The following ZNF28 variants were observed in gnomAD, a reference collection of about 807,000 sequenced individuals.
ZNF28 encodes zinc finger protein KOX24.
A neutral mutation model predicts 7.2 loss-of-function variants in ZNF28; 5 were observed. The ratio of observed to expected loss-of-function variants is 0.70; its 90% confidence interval spans 0.36 to 1.46. The LOEUF is 1.46. ZNF28 is among the 40% of genes most tolerant of loss of function. The pLI is 0.03. For synonymous variants in ZNF28, 288 were observed against 292.4 expected (o/e 0.99, Z 0.15); for missense variants, 879 against 866.6 (o/e 1.01, Z -0.18).
chr19:52,818,004 AC>A lies in ZNF28; in HGVS notation c.-47del. On this transcript the variant is annotated 5_prime_UTR_variant, in exon 2 of 4. Coordinates refer to ENST00000457749, the MANE Select transcript of ZNF28 (RefSeq NM_006969.5). ...TCTTCCTCTTCTGGGTTTCTTCCTCACGTACCAAGATTCTTTAGAAGTCAAT... is the reference window on the plus strand; with the variant it reads ...TCTTCCTCTTCTGGGTTTCTTCCTCAGTACCAAGATTCTTTAGAAGTCAAT... 1 of 1,609,798 alleles carries A rather than the reference AC, an allele frequency of 6.2e-7. No homozygotes were observed. Among genetic ancestry groups the A allele is most frequent in the South Asian group, 1.1e-5 (1 of 91,066 alleles).
intron 2 of ZNF28, among the ~76,000 whole-genome samples, chr19:52,812,465 T>C (rs1256734182): frequency 5.3e-4 from 65 of 122,710 alleles, no homozygotes; most frequent in Middle Eastern, 3.9e-3. Flanking sequence ...TGTGACCTTA[T>C]CCCCAACCCT....
intron 2 of ZNF28, among the ~76,000 whole-genome samples, chr19:52,809,588 A>C (rs144257819): frequency 5.4e-4 from 82 of 152,296 alleles, no homozygotes; most frequent in African/African-American, 2.0e-3. Flanking sequence ...CGGGTGAATA[A>C]CCAGGTCAAG....
chr19:52,808,227 T>G (rs1278361210), intron 2 of ZNF28, 94 bp from the exon 3 acceptor site: 1 of 1,555,220 alleles, frequency 6.4e-7, no homozygotes, highest in African/African-American at 1.4e-5. Flanking sequence ...GATTTAGTTG[T>G]AGTGAATGTT....
intron 3 of ZNF28, among the ~76,000 whole-genome samples, chr19:52,804,034 G>A (rs2062906320): frequency 6.6e-6 from 1 of 152,204 alleles, no homozygotes; most frequent in African/African-American, 2.4e-5. Context: ...GGATGTTCCT[G>A]CAGATGCAGA....
In ZNF28 at chr19:52,801,147, TG is replaced by T. The variant is rs764651681; in HGVS notation, c.697del (p.His233IlefsTer3). 1.4e-5 allele frequency: 22 copies of T among 1,614,034 alleles called. No homozygotes were observed. Among genetic ancestry groups the T allele is most frequent in the Admixed American group, 3.3e-5 (2 of 59,994 alleles). On this transcript the variant is annotated frameshift_variant, in exon 4 of 4. Coordinates refer to ENST00000457749, the MANE Select transcript of ZNF28 (RefSeq NM_006969.5). LOFTEE classifies it low-confidence loss of function (END_TRUNC). ...TTTCTCTTCTAAGTGGGTTATCTGA[TG>T]TTTTTTTAAAAGTGAGCTACAATTA... ...SFNCSSLLKK[H>X]QITHLEEKQC...
rs552887899 is a variant in ZNF28, at chr19:52,811,145, C to G, written c.16-3012G>C. Among the ~76,000 whole-genome samples, 1,180 of 150,784 alleles carry G rather than the reference C, an allele frequency of 7.8e-3. 19 individuals carry two copies. Among genetic ancestry groups the G allele is most frequent in the African/African-American group, 0.027 (1,109 of 41,036 alleles). On this transcript the variant is annotated intron_variant, in intron 2 of 3. Transcript: ENST00000457749. Reference sequence around the variant, plus strand: ...CTAACCACGAGTGATCCGCCAGCCTCGGCCTCCCGAGGTGCCGGGATTGCA... The same window carrying G: ...CTAACCACGAGTGATCCGCCAGCCTGGGCCTCCCGAGGTGCCGGGATTGCA...
At chr19:52,819,617 G>C (rs13345569) in intron 1 of ZNF28, among the ~76,000 whole-genome samples, 46,511 of 111,714 alleles carry the variant, frequency 0.42, 12,803 homozygotes, top group East Asian at 0.83. Context: ...ACATTTTCAC[G>C]AAGTTACCCT....
At position 52,809,831 on chromosome 19, in the gene ZNF28, C is replaced by CGGCGGCGGT. The variant is rs1348405059; in HGVS notation, c.16-1707_16-1699dup. 272 of 554,790 alleles carry CGGCGGCGGT rather than the reference C, an allele frequency of 4.9e-4. 1 individual carries two copies. In the East Asian group the frequency reaches 7.2e-3, roughly 15 times the overall value. 34.4% of individuals were successfully genotyped at this position (554,790 alleles called of 1,614,324 possible). A position where few individuals can be genotyped will look rare whatever the true frequency, so the allele number is the denominator to read the frequency against. On this transcript the variant is annotated intron_variant, in intron 2 of 3. Transcript: ENST00000457749. The stretch of plus-strand genomic sequence containing the variant: ...CCAGTCTGAGCGGCGAAGGCGGCGG[C>CGGCGGCGGT]GGCGGCGGTGGCGGTGGTGGCAGTA...
Position 52,800,468 on chromosome 19 carries a change from T to A in ZNF28, c.1377A>T (p.Arg459Ser). The change falls in exon 4 of 4, where the codon AGA becomes AGT. Residue 459 changes from arginine (R) to serine (S), a missense_variant. Physicochemically the swap from Arg to Ser is moderately radical, Grantham distance 110. Around this residue, in one of 2 missense-constraint regions of ZNF28, gnomAD observed 864 missense variants for 830.2 expected, o/e 1.04. Coordinates refer to ENST00000457749, the MANE Select transcript of ZNF28 (RefSeq NM_006969.5). ...TGTATGGTTTCTCTGCAGTATGAAG[T>A]CTATGATGGCGTGCAAGAGTTGATT... is the stretch of plus-strand genomic sequence containing the variant. ...NQQSTLARHH[R>S]LHTAEKPYKC... The A allele has an allele frequency of 6.2e-7, 1 of 1,613,484 alleles. No homozygotes were observed. The highest frequency in any genetic ancestry group is 1.1e-5 in the South Asian group (1 of 91,020).
intron 2 of ZNF28, among the ~76,000 whole-genome samples, 156 bp from the exon 3 acceptor site, chr19:52,808,289 T>C (rs931148647): frequency 6.6e-6 from 1 of 152,204 alleles, no homozygotes; most frequent in African/African-American, 2.4e-5. Context: ...TTATTATACT[T>C]TTTGAAGTGA....
chr19:52,811,062 G>GTT (rs751626547), intron 2 of ZNF28, among the ~76,000 whole-genome samples: 11 of 142,226 alleles, frequency 7.7e-5, no homozygotes, highest in African/African-American at 2.6e-4. Context: ...ACTGGTTTTC[G>GTT]TTTTTTTTTT....
At position 52,807,709 on chromosome 19, in the gene ZNF28, T is replaced by C. The variant is rs140349542; in HGVS notation, c.142+298A>G. ...ATGCTGGTTTTGAACTCCTCACCCATAGCGATCCACACGCCTTGGCCTCCC... is the reference window on the plus strand; with the variant it reads ...ATGCTGGTTTTGAACTCCTCACCCACAGCGATCCACACGCCTTGGCCTCCC... On this transcript the variant is annotated intron_variant, in intron 3 of 3. Transcript: ENST00000457749. Among the ~76,000 whole-genome samples the C allele has an allele frequency of 7.2e-5, 11 of 152,014 alleles. No individual in the cohort carries two copies. In the East Asian group the frequency reaches 2.1e-3, roughly 30 times the overall value.
In ZNF28 at chr19:52,815,833, T is replaced by TA. The variant is rs990004848; in HGVS notation, c.15+2110dup. Among the ~76,000 whole-genome samples, 3 of 146,208 alleles carry TA rather than the reference T, an allele frequency of 2.1e-5. 1 individual carries two copies. Among genetic ancestry groups the TA allele is most frequent in the African/African-American group, 8.0e-5 (3 of 37,548 alleles). On this transcript the variant is annotated intron_variant, in intron 2 of 3. Coordinates refer to ENST00000457749, the MANE Select transcript of ZNF28 (RefSeq NM_006969.5). ...GAGCGAGGCTCCATCTCAAAAAAAA[T>TA]AAATAACTATCGTGTACTGGCCTTG...
intron 3 of ZNF28, among the ~76,000 whole-genome samples, chr19:52,802,621 G>C (rs1308058738): frequency 6.6e-6 from 1 of 150,512 alleles, no homozygotes; most frequent in African/African-American, 2.4e-5. Context: ...AGATTGTGGT[G>C]AGTTGAGATC....
intron 2 of ZNF28, among the ~76,000 whole-genome samples, chr19:52,815,441 C>T (rs111228784): frequency 0.011 from 1,573 of 145,370 alleles, 252 homozygotes; most frequent in African/African-American, 0.041. Context: ...CACTTGAACC[C>T]GGGAGGTAGA....
At chr19:52,801,908 C>T (rs1271331245) in intron 3 of ZNF28, among the ~76,000 whole-genome samples, 1 of 152,068 alleles carries the variant, frequency 6.6e-6, no homozygotes, top group Admixed American at 6.6e-5. Flanking sequence ...AAGTCTATTT[C>T]CTATATCATG....
chr19:52,817,878 C>A (rs1940478137), intron 2 of ZNF28, 66 bp downstream of exon 2: 2 of 1,606,268 alleles, frequency 1.2e-6, no homozygotes, highest in Admixed American at 3.3e-5. Context: ...AGAAGACTCC[C>A]AACTCCAAGG....
In ZNF28 at chr19:52,810,235, A is replaced by G. The variant is rs903466613; in HGVS notation, c.16-2102T>C. The G allele has an allele frequency of 1.4e-5, 16 of 1,179,440 alleles. No homozygotes were observed. In the African/African-American group the frequency reaches 1.9e-4, roughly 14 times the overall value. The allele number at this position is 1,179,440 out of a possible 1,614,324, so 73.1% of individuals were successfully genotyped here. A position where few individuals can be genotyped will look rare whatever the true frequency, so the allele number is the denominator to read the frequency against. On this transcript the variant is annotated intron_variant, in intron 2 of 3. Transcript: ENST00000457749. ...CAGAACGACGTAGAGAAGCAGAGGA[A>G]TATGAGTCTACCTCCAGGCAATGCT...
chr19:52,800,827 A>C lies in ZNF28; in HGVS notation c.1018T>G (p.Ser340Ala), dbSNP rs145347123. 643 of 1,614,028 alleles carry C rather than the reference A, an allele frequency of 4.0e-4. 3 individuals are homozygous for C. The African/African-American group carries it at 7.7e-3, about 19-fold the overall frequency. Residue 340 changes from serine to alanine, a missense_variant, in exon 4 of 4, where the codon TCA (serine) becomes GCA (alanine). Physicochemically the swap from Ser to Ala is moderately conservative, Grantham distance 99. Transcript: ENST00000457749. The part of the protein sequence containing the change: ...KVCDKAFTCN[S>A]YLAKHTIIHT... ...ATTATAGTATGTTTTGCTAGGTATG[A>C]ATTACATGTGAAAGCTTTGTCACAA...
Sources: gnomAD v4.1 joint callset for allele counts (sites outside exome capture counted in the v4.1 genomes callset) on GRCh38, gnomAD v4.1.1 for gene constraint, gnomAD v4.1.1 regional missense constraint, MANE v1.5 for transcripts, NCBI Gene and HGNC (gene_info 2026-07-23, HGNC 2026-07-21) for gene names.